Variants in POU2F1 observed in about 807,000 individuals in gnomAD.
POU2F1 encodes POU class 2 homeobox 1, also known as POU domain, class 2, transcription factor 1.
Under a neutral mutation model 84.9 loss-of-function variants are expected in POU2F1, and 16 were observed. The observed-to-expected ratio is 0.19, with a 90% CI of 0.13 to 0.29. The LOEUF (loss-of-function observed/expected upper bound fraction) is 0.29, where lower values mean the gene tolerates loss of function less well. Among genes scored for constraint, POU2F1 ranks in the 10% least tolerant of loss-of-function variants. The pLI is 1.00. For missense variants in POU2F1, 738 were observed against 942.6 expected (o/e 0.78, Z 2.84); for synonymous variants, 368 against 368.3 (o/e 1.00, Z 0.01).
At chr1:167,340,064 A>G (rs1435949368) in intron 2 of POU2F1, among the ~76,000 whole-genome samples, 2 of 152,158 alleles carry the variant, frequency 1.3e-5, no homozygotes, top group African/African-American at 2.4e-5. Flanking sequence ...TCACACAGAT[A>G]GCTATAAAGG....
intron 1 of POU2F1, chr1:167,329,146 G>T: frequency 1.4e-6 from 2 of 1,391,040 alleles, no homozygotes; most frequent in Non-Finnish European, 1.9e-6. Context: ...TCCACCCTAC[G>T]CAACCCCCCT....
At chr1:167,413,363 A>G (rs939917411) in intron 15 of POU2F1, among the ~76,000 whole-genome samples, 2 of 152,248 alleles carry the variant, frequency 1.3e-5, no homozygotes, top group Non-Finnish European at 2.9e-5. Flanking sequence ...TTAGTTTGGT[A>G]TATGGTAAAA....
At chr1:167,233,791 T>C (rs1368684212) in intron 1 of POU2F1, among the ~76,000 whole-genome samples, 1 of 152,240 alleles carries the variant, frequency 6.6e-6, no homozygotes, top group Non-Finnish European at 1.5e-5. Flanking sequence ...GCTATTTGCA[T>C]GATCTTTGTA....
At chr1:167,395,140 AC>A (rs1225973423) in intron 9 of POU2F1, among the ~76,000 whole-genome samples, 2 of 152,228 alleles carry the variant, frequency 1.3e-5, no homozygotes, top group African/African-American at 2.4e-5. Context: ...CAACTATCTT[AC>A]GCTTTTTTCC....
chr1:167,334,583 C>T (rs1449558862), intron 2 of POU2F1, among the ~76,000 whole-genome samples: 1 of 152,148 alleles, frequency 6.6e-6, no homozygotes, highest in East Asian at 1.9e-4. Flanking sequence ...ATGTCCAGAC[C>T]TGTATAAGGT....
At chr1:167,247,317 C>T (rs1650407158) in intron 1 of POU2F1, among the ~76,000 whole-genome samples, 2 of 152,232 alleles carry the variant, frequency 1.3e-5, no homozygotes, top group East Asian at 3.9e-4. Flanking sequence ...CCTTCTGCCT[C>T]GACCTCCCAA....
At chr1:167,289,193 G>A (rs1653742842) in intron 1 of POU2F1, among the ~76,000 whole-genome samples, 1 of 152,090 alleles carries the variant, frequency 6.6e-6, no homozygotes, top group African/African-American at 2.4e-5. Flanking sequence ...TTTCTTTGAA[G>A]TTTTATTGTG....
intron 1 of POU2F1, among the ~76,000 whole-genome samples, chr1:167,329,704 G>A (rs1003186905): frequency 2.6e-5 from 4 of 151,966 alleles, no homozygotes; most frequent in Non-Finnish European, 5.9e-5. Context: ...TAATGAGAAC[G>A]TCTTATACAA....
chr1:167,391,579 T>C (rs1239204346), intron 9 of POU2F1, among the ~76,000 whole-genome samples: 1 of 134,320 alleles, frequency 7.4e-6, no homozygotes, highest in Non-Finnish European at 1.6e-5. Flanking sequence ...TTTTTTTTTT[T>C]TTTTTTTTGA....
intron 13 of POU2F1, among the ~76,000 whole-genome samples, chr1:167,411,270 C>T (rs750333253): frequency 4.0e-5 from 6 of 151,816 alleles, no homozygotes; most frequent in African/African-American, 9.7e-5. Flanking sequence ...AATCTCTTGA[C>T]CTCTTGATCT....
rs1657132685 is a variant in POU2F1 at position 167,332,408 on chromosome 1, T to G, written c.62-62T>G. 3 of 1,331,146 alleles carry G rather than the reference T, an allele frequency of 2.3e-6. No homozygotes were observed. In the South Asian group the frequency reaches 3.6e-5, roughly 16 times the overall value. The allele number at this position is 1,331,146 out of a possible 1,614,324, so 82.5% of individuals were successfully genotyped here. On this transcript the variant is annotated intron_variant, in intron 1 of 15. Transcript: ENST00000367866. ...CCCTTTTCTCTGCCACAGTTTTGCC[T>G]CCTCAATCCCATCTCCATCCCCAGT... is the stretch of plus-strand genomic sequence containing the variant.
chr1:167,326,097 A>G (rs1223021220), intron 1 of POU2F1, among the ~76,000 whole-genome samples: 1 of 151,996 alleles, frequency 6.6e-6, no homozygotes, highest in African/African-American at 2.4e-5. Flanking sequence ...CTTTGCCCAC[A>G]TTACCCCACC....
At chr1:167,272,952 T>C (rs762713755) in intron 1 of POU2F1, among the ~76,000 whole-genome samples, 8 of 152,284 alleles carry the variant, frequency 5.3e-5, no homozygotes, top group Non-Finnish European at 8.8e-5. Context: ...CTTCCACTTA[T>C]GAGCCTGTGA....
At chr1:167,288,561 G>T (rs1167270718) in intron 1 of POU2F1, among the ~76,000 whole-genome samples, 1 of 152,128 alleles carries the variant, frequency 6.6e-6, no homozygotes, top group Non-Finnish European at 1.5e-5. Flanking sequence ...GCTGTGGCCT[G>T]TGCCTGTAGT....
At chr1:167,404,994 T>A (rs1472108048) in intron 13 of POU2F1, among the ~76,000 whole-genome samples, 2 of 152,250 alleles carry the variant, frequency 1.3e-5, no homozygotes, top group African/African-American at 4.8e-5. Context: ...AGAAAAATCA[T>A]GTTTGATTGA....
At chr1:167,344,600 CTTT>C (rs1270776650) in intron 2 of POU2F1, among the ~76,000 whole-genome samples, 3 of 152,112 alleles carry the variant, frequency 2.0e-5, no homozygotes, top group African/African-American at 7.2e-5. Context: ...AGGCAAGTTA[CTTT>C]TTTCATGTTA....
intron 1 of POU2F1, among the ~76,000 whole-genome samples, chr1:167,269,954 C>T (rs1257609221): frequency 1.3e-5 from 2 of 149,786 alleles, no homozygotes; most frequent in South Asian, 4.2e-4. Flanking sequence ...CTTAGGACAA[C>T]GTATGTTTTC....
At chr1:167,414,733 A>C in intron 15 of POU2F1, 1 of 982,628 alleles carries the variant, frequency 1.0e-6, no homozygotes, top group South Asian at 4.7e-5. Context: ...CAATAGATTC[A>C]TCATTCTCCT....
rs1241226821 is a variant in POU2F1 at position 167,251,256 on chromosome 1, C to T, written c.61+30298C>T. ...TCTACAAAAAAATCCAGAAATTAGC[C>T]GGTGTGGTAGCAAGCGCCTGTGGTC... On this transcript the variant is annotated intron_variant, in intron 1 of 15. Coordinates refer to ENST00000367866, the MANE Select transcript of POU2F1 (RefSeq NM_002697.4). 2.6e-5 allele frequency among the ~76,000 whole-genome samples: 4 copies of T among 152,046 alleles called. No homozygotes were observed. The East Asian group carries it at 5.8e-4, about 22-fold the overall frequency.
Sources: allele counts gnomAD v4.1 joint callset (sites outside exome capture counted in the v4.1 genomes callset), GRCh38; gene constraint gnomAD v4.1.1; transcripts MANE v1.5; gene names NCBI Gene and HGNC (gene_info 2026-07-23, HGNC 2026-07-21).